PPP1R13B: variants seen among roughly 807,000 people sequenced by gnomAD.
The protein encoded by PPP1R13B is protein phosphatase 1 regulatory subunit 13B, also known as apoptosis-stimulating of p53 protein 1.
In PPP1R13B, 44 loss-of-function variants were observed where a neutral mutation model predicts 119.8. That is an observed-to-expected ratio of 0.37 (90% confidence interval 0.29 to 0.47). The LOEUF (loss-of-function observed/expected upper bound fraction) is 0.47. Ranked by LOEUF, PPP1R13B falls within the 20% of genes least tolerant of loss-of-function variation. PPP1R13B has a pLI of 0.99. For missense variants in PPP1R13B, 1,227 were observed against 1,413.5 expected, an observed-to-expected ratio of 0.87 and a Z score of 2.12; for synonymous variants, 542 against 561.5, an observed-to-expected ratio of 0.97 and a Z score of 0.49.
intron 1 of PPP1R13B, among the ~76,000 whole-genome samples, chr14:103,799,504 G>A (rs2085846073): frequency 6.6e-6 from 1 of 151,830 alleles, no homozygotes; most frequent in Non-Finnish European, 1.5e-5. Context: ...GTAGACACAG[G>A]GTTTCGCCAC....
Position 103,738,385 on chromosome 14 carries a change from GAACAT to G in PPP1R13B, c.2864+289_2864+293del, listed in dbSNP as rs2084166421. Reference sequence around the variant, plus strand: ...GCACAGAGTGTGAAGAGTCCATACGGAACATATGAGAAGGGGAAGATGGAATGATT... The same window carrying G: ...GCACAGAGTGTGAAGAGTCCATACGGATGAGAAGGGGAAGATGGAATGATT... On this transcript the variant is annotated intron_variant, in intron 14 of 16. Coordinates refer to ENST00000202556, the MANE Select transcript of PPP1R13B (RefSeq NM_015316.3). This position sits in a 1 kb window ranked among gnomAD's most constrained non-coding sequence, Gnocchi z 5.6. 5 of 446,134 alleles carry G rather than the reference GAACAT, an allele frequency of 1.1e-5. No homozygotes were observed. The allele number at this position is 446,134 out of a possible 1,614,324, so 27.6% of individuals were successfully genotyped here.
Position 103,739,769 on chromosome 14 carries a change from C to A in PPP1R13B, c.2592+55G>T. ...TGACCAAGGGAAGGACCCCAGAGGTCCTGGTTGCATGAATGACCAGGAAGG... is the reference window on the plus strand; with the variant it reads ...TGACCAAGGGAAGGACCCCAGAGGTACTGGTTGCATGAATGACCAGGAAGG... On this transcript the variant is annotated intron_variant, in intron 12 of 16. Coordinates refer to ENST00000202556, the MANE Select transcript of PPP1R13B (RefSeq NM_015316.3). The A allele has an allele frequency of 2.0e-6, 3 of 1,522,756 alleles. No individual in the cohort carries two copies. The Admixed American group carries it at 6.2e-5, about 31-fold the overall frequency. The allele number at this position is 1,522,756 out of a possible 1,614,324, so 94.3% of individuals were successfully genotyped here.
intron 1 of PPP1R13B, among the ~76,000 whole-genome samples, chr14:103,831,885 G>A (rs765827373): frequency 6.6e-6 from 1 of 151,738 alleles, no homozygotes; most frequent in Non-Finnish European, 1.5e-5. Flanking sequence ...GCAGTGAGCC[G>A]AGACCATGCC....
At chr14:103,787,816 G>A (rs1008945593) in intron 2 of PPP1R13B, among the ~76,000 whole-genome samples, 12 of 151,812 alleles carry the variant, frequency 7.9e-5, no homozygotes, top group East Asian at 5.9e-4. Context: ...ACCTACGCCC[G>A]GCTAATTTTA....
intron 1 of PPP1R13B, among the ~76,000 whole-genome samples, chr14:103,840,501 C>CT: frequency 6.6e-6 from 1 of 152,108 alleles, no homozygotes; most frequent in East Asian, 1.9e-4. Flanking sequence ...AAAACTACCT[C>CT]TTTTTGGCAG....
chr14:103,832,858 T>C (rs760715745), intron 1 of PPP1R13B, among the ~76,000 whole-genome samples: 5 of 152,122 alleles, frequency 3.3e-5, no homozygotes, highest in Non-Finnish European at 7.4e-5. Flanking sequence ...GATGGGCGCC[T>C]GTAATCCCAG....
At chr14:103,825,588 A>G (rs192651849) in intron 1 of PPP1R13B, among the ~76,000 whole-genome samples, 34 of 152,352 alleles carry the variant, frequency 2.2e-4, no homozygotes, top group African/African-American at 8.2e-4. Flanking sequence ...CTTATGCCAA[A>G]GCCTAATCCA....
At chr14:103,832,994 A>C (rs1211188631) in intron 1 of PPP1R13B, among the ~76,000 whole-genome samples, 2 of 152,092 alleles carry the variant, frequency 1.3e-5, no homozygotes, top group East Asian at 3.9e-4. Context: ...AAAAGAAAAA[A>C]AAAAAAGATC....
intron 1 of PPP1R13B, among the ~76,000 whole-genome samples, chr14:103,815,692 T>C (rs1231617359): frequency 6.6e-6 from 1 of 150,964 alleles, no homozygotes; most frequent in Non-Finnish European, 1.5e-5. Context: ...AAGGTGGAGG[T>C]TGCACTGAGC....
chr14:103,822,815 GA>G (rs1184027940), intron 1 of PPP1R13B, among the ~76,000 whole-genome samples: 30 of 144,000 alleles, frequency 2.1e-4, no homozygotes, highest in Admixed American at 2.8e-4. Flanking sequence ...TCCATCTCGA[GA>G]AAAAAAAAAA....
chr14:103,737,244 GC>G (rs1435349567), intron 15 of PPP1R13B: 1 of 153,814 alleles, frequency 6.5e-6, no homozygotes, highest in Non-Finnish European at 1.4e-5. Flanking sequence ...CATCCTGGCT[GC>G]CCCTGAAGAA....
At chr14:103,748,649 T>C (rs1241792252) in intron 8 of PPP1R13B, among the ~76,000 whole-genome samples, 1 of 152,110 alleles carries the variant, frequency 6.6e-6, no homozygotes, top group African/African-American at 2.4e-5. Flanking sequence ...GTGCCACAGG[T>C]GCGAGAAAGT....
At chr14:103,750,498 C>T (rs922241858) in intron 7 of PPP1R13B, among the ~76,000 whole-genome samples, 1 of 152,314 alleles carries the variant, frequency 6.6e-6, no homozygotes, top group Middle Eastern at 3.4e-3. Flanking sequence ...TACACACTTC[C>T]GTGTGTATAC....
rs79903855 is a variant in PPP1R13B, at chr14:103,804,730, T to C, written c.10-7212A>G. 2.3e-3 allele frequency among the ~76,000 whole-genome samples: 352 copies of C among 150,524 alleles called. 1 individual carries two copies. The highest frequency in any genetic ancestry group is 8.2e-3 in the African/African-American group (334 of 40,884). ...GCCTGGGTGATAGAGTGAGATCCCA[T>C]CTCTAAGGAAAAAAAAAAATCTAAA... On this transcript the variant is annotated intron_variant, in intron 1 of 16. Coordinates refer to ENST00000202556, the MANE Select transcript of PPP1R13B (RefSeq NM_015316.3).
At chr14:103,825,294 C>A (rs1319046768) in intron 1 of PPP1R13B, among the ~76,000 whole-genome samples, 3 of 152,126 alleles carry the variant, frequency 2.0e-5, no homozygotes, top group Non-Finnish European at 4.4e-5. Context: ...CAATTAATAA[C>A]CCTACAGTGG....
At chr14:103,735,872 C>T in intron 16 of PPP1R13B, 131 bp downstream of exon 16, 2 of 1,001,950 alleles carry the variant, frequency 2.0e-6, no homozygotes, top group Non-Finnish European at 3.0e-6. Flanking sequence ...TAGGCACCTC[C>T]CCCTCTACAG....
intron 1 of PPP1R13B, among the ~76,000 whole-genome samples, chr14:103,824,401 A>G (rs749398677): frequency 2.7e-5 from 4 of 148,428 alleles, no homozygotes; most frequent in Non-Finnish European, 6.0e-5. Flanking sequence ...TTATTTAGAG[A>G]CAGGCATTAT....
intron 3 of PPP1R13B, among the ~76,000 whole-genome samples, chr14:103,780,975 G>T (rs754917005): frequency 3.9e-5 from 6 of 152,060 alleles, no homozygotes; most frequent in Non-Finnish European, 5.9e-5. Flanking sequence ...TGTTACAGGT[G>T]GGGAAGATGG....
chr14:103,796,774 T>C (rs1295608505), intron 2 of PPP1R13B, among the ~76,000 whole-genome samples: 1 of 152,064 alleles, frequency 6.6e-6, no homozygotes, highest in Non-Finnish European at 1.5e-5. Flanking sequence ...CTGGGCAACA[T>C]GGTGAAACCC....
Sources: allele counts gnomAD v4.1 joint callset (sites outside exome capture counted in the v4.1 genomes callset), GRCh38; gene constraint gnomAD v4.1.1; non-coding constraint Gnocchi (gnomAD v3.1); transcripts MANE v1.5; gene names NCBI Gene and HGNC (gene_info 2026-07-23, HGNC 2026-07-21).